The following TBC1D4 variants were observed in gnomAD, a reference collection of about 807,000 sequenced individuals.
TBC1D4 encodes TBC1 domain family member 4, also known as TBC (Tre-2, BUB2, CDC16) domain-containing protein.
In TBC1D4, 121 loss-of-function variants were observed where a neutral mutation model predicts 142.5. The ratio of observed to expected loss-of-function variants is 0.85; its 90% confidence interval spans 0.73 to 0.99. The LOEUF (loss-of-function observed/expected upper bound fraction) is 0.99, where lower values mean the gene tolerates loss of function less well. TBC1D4 is among the 50% of genes least tolerant of loss of function. TBC1D4 has a pLI of 0.00. For missense variants in TBC1D4, 1,475 were observed against 1,606.6 expected, an observed-to-expected ratio of 0.92 and a Z score of 1.40; for synonymous variants, 630 against 628.2, an observed-to-expected ratio of 1.00 and a Z score of -0.04.
In TBC1D4 at chr13:75,324,308, A is replaced by C. The variant is rs758718437; in HGVS notation, c.2127T>G (p.Thr709=). 5.0e-6 allele frequency: 8 copies of C among 1,614,026 alleles called. No individual in the cohort carries two copies. The Admixed American group carries it at 1.3e-4, about 27-fold the overall frequency. The change falls in exon 11 of 21, where the codon ACT becomes ACG. Residue 709 remains threonine (T), a synonymous_variant. Coordinates refer to ENST00000377636, the MANE Select transcript of TBC1D4 (RefSeq NM_014832.5). The part of the protein sequence containing the change: ...LHTSFSAPSF[T]APSFLKSFYQ... ...AAAAGCTTTTCAGGAAAGAGGGGGC[A>C]GTGAAGGAAGGGGCAGAGAAGGAAG...
intron 1 of TBC1D4, among the ~76,000 whole-genome samples, chr13:75,405,584 A>C (rs1042822244): frequency 8.4e-4 from 128 of 152,174 alleles, no homozygotes; most frequent in African/African-American, 3.0e-3. Flanking sequence ...ATGAATTTTT[A>C]AAGTCTAGGG....
intron 16 of TBC1D4, among the ~76,000 whole-genome samples, chr13:75,301,039 C>T (rs960855355): frequency 4.6e-5 from 7 of 152,152 alleles, no homozygotes; most frequent in African/African-American, 1.7e-4. Flanking sequence ...AGCCATTTGT[C>T]ATCCAAAAGG....
intron 1 of TBC1D4, among the ~76,000 whole-genome samples, chr13:75,462,645 A>G (rs1593913265): frequency 6.6e-6 from 1 of 152,218 alleles, no homozygotes; most frequent in African/African-American, 2.4e-5. Flanking sequence ...AAGCTGAGAG[A>G]ATCATTACCA....
chr13:75,294,794 G>A, intron 18 of TBC1D4, 60 bp downstream of exon 18: 3 of 1,571,456 alleles, frequency 1.9e-6, no homozygotes, highest in Non-Finnish European at 2.6e-6. Context: ...ATGGCTAGAA[G>A]TAGAAGTATA....
chr13:75,300,585 G>A (rs1376769947), intron 16 of TBC1D4, among the ~76,000 whole-genome samples: 1 of 152,132 alleles, frequency 6.6e-6, no homozygotes, highest in Non-Finnish European at 1.5e-5. Context: ...AATAACAATT[G>A]CATGCTGAAG....
chr13:75,346,173 A>G (rs1159810702), intron 5 of TBC1D4, among the ~76,000 whole-genome samples: 1 of 152,194 alleles, frequency 6.6e-6, no homozygotes, highest in East Asian at 1.9e-4. Context: ...TTTTTTTTAT[A>G]TACTAAGTTT....
At chr13:75,322,003 G>A (rs1471805226) in intron 11 of TBC1D4, among the ~76,000 whole-genome samples, 1 of 152,176 alleles carries the variant, frequency 6.6e-6, no homozygotes, top group Non-Finnish European at 1.5e-5. Flanking sequence ...AGATATCTGA[G>A]GTCAGCATGG....
intron 4 of TBC1D4, among the ~76,000 whole-genome samples, chr13:75,355,699 A>G (rs1480529920): frequency 6.6e-6 from 1 of 152,228 alleles, no homozygotes; most frequent in Admixed American, 6.5e-5. Context: ...AAAGTATATG[A>G]TATTTCAAAA....
chr13:75,415,579 A>C (rs7995198), intron 1 of TBC1D4, among the ~76,000 whole-genome samples: 31,619 of 152,124 alleles, frequency 0.21, 3,677 homozygotes, highest in African/African-American at 0.31. Context: ...TATCACACTA[A>C]TCCAAACTGA....
At chr13:75,422,052 C>A (rs1886192948) in intron 1 of TBC1D4, among the ~76,000 whole-genome samples, 1 of 152,210 alleles carries the variant, frequency 6.6e-6, no homozygotes, top group African/African-American at 2.4e-5. Context: ...CCTTGGCCTC[C>A]CAAAGTGCCG....
chr13:75,359,299 G>T (rs999194475), intron 3 of TBC1D4, among the ~76,000 whole-genome samples: 3 of 151,988 alleles, frequency 2.0e-5, no homozygotes, highest in Non-Finnish European at 4.4e-5. Flanking sequence ...ACAAATAAAA[G>T]AACAAAAATA....
At position 75,292,283 on chromosome 13, in the gene TBC1D4, G is replaced by T. The variant is rs746537385; in HGVS notation, c.3317-12C>A. 2.5e-6 allele frequency: 4 copies of T among 1,604,270 alleles called. No homozygotes were observed. Among genetic ancestry groups the T allele is most frequent in the Non-Finnish European group, 3.4e-6 (4 of 1,174,706 alleles). ...AAGAAAAATAATATCTAAAAGAAGA[G>T]ATATAATTTTCATGATCAAAACTAT... is the stretch of plus-strand genomic sequence containing the variant. On this transcript the variant is annotated splice_polypyrimidine_tract_variant and intron_variant, in intron 18 of 20. Coordinates refer to ENST00000377636, the MANE Select transcript of TBC1D4 (RefSeq NM_014832.5).
chr13:75,334,775 G>A (rs2043198), intron 8 of TBC1D4, among the ~76,000 whole-genome samples: 10,373 of 151,812 alleles, frequency 0.068, 567 homozygotes, highest in Admixed American at 0.17. Flanking sequence ...TAGTAGAGAC[G>A]GGGTTTTACC....
At position 75,421,508 on chromosome 13, in the gene TBC1D4, T is replaced by C. The variant is rs186681305; in HGVS notation, c.499-58901A>G. On this transcript the variant is annotated intron_variant, in intron 1 of 20. Transcript: ENST00000377636. ...TAAGTAATTCTTTGGAGTATATTTA[T>C]ACATGCTTTCCTGTTACAAAATGTT... is the stretch of plus-strand genomic sequence containing the variant. Among the ~76,000 whole-genome samples the C allele has an allele frequency of 4.4e-3, 671 of 152,342 alleles. 8 individuals are homozygous for C. The highest frequency in any genetic ancestry group is 0.018 in the South Asian group (89 of 4,828).
intron 1 of TBC1D4, among the ~76,000 whole-genome samples, chr13:75,460,246 A>G (rs1887911048): frequency 6.6e-6 from 1 of 152,230 alleles, no homozygotes; most frequent in Non-Finnish European, 1.5e-5. Flanking sequence ...GTGAGTTTAC[A>G]AACTAGTGAA....
intron 1 of TBC1D4, among the ~76,000 whole-genome samples, chr13:75,405,141 A>G (rs1885272505): frequency 6.6e-6 from 1 of 152,220 alleles, no homozygotes; most frequent in Admixed American, 6.5e-5. Context: ...TGGAGAGAAG[A>G]CTATGACCTG....
intron 12 of TBC1D4, among the ~76,000 whole-genome samples, chr13:75,313,706 C>G (rs374215477): frequency 6.6e-6 from 1 of 152,042 alleles, no homozygotes; most frequent in Admixed American, 6.6e-5. Context: ...AAAAAATCTT[C>G]GTAGAGACCG....
At chr13:75,361,129 A>G (rs1882467894) in intron 2 of TBC1D4, among the ~76,000 whole-genome samples, 1 of 152,244 alleles carries the variant, frequency 6.6e-6, no homozygotes, top group Admixed American at 6.5e-5. Flanking sequence ...AAAAATGTTT[A>G]GAATTAAGAA....
Sources: gnomAD v4.1 joint callset for allele counts (sites outside exome capture counted in the v4.1 genomes callset) on GRCh38, gnomAD v4.1.1 for gene constraint, MANE v1.5 for transcripts, NCBI Gene and HGNC (gene_info 2026-07-23, HGNC 2026-07-21) for gene names.